The following TEKT5 variants were observed in gnomAD, a reference collection of about 807,000 sequenced individuals.
TEKT5 encodes tektin-5.
TEKT5 carries 52 observed loss-of-function variants against 48.7 expected under a neutral mutation model. The ratio of observed to expected loss-of-function variants is 1.07; its 90% CI spans 0.86 to 1.35. The LOEUF is 1.35. Among genes scored for constraint, TEKT5 ranks in the 40% most tolerant of loss-of-function variants. The probability of loss-of-function intolerance (pLI) is 0.00; values close to 1 mark genes in which losing one functional copy is unlikely to be tolerated. For synonymous variants in TEKT5, 318 were observed against 267.6 expected (o/e 1.19, Z -1.84); for missense variants, 831 against 641.6 (o/e 1.30, Z -3.19).
intron 5 of TEKT5, among the ~76,000 whole-genome samples, chr16:10,663,595 C>T (rs1414280662): frequency 2.6e-5 from 4 of 152,116 alleles, no homozygotes; most frequent in Admixed American, 6.6e-5. Context: ...CGGAGGGACC[C>T]GGTCAGGGAT....
chr16:10,694,888 C>A lies in TEKT5; in HGVS notation c.-15G>T, dbSNP rs1023299917. ...AGAAACTCCATCCTCCCTCATGAGC[C>A]CCACTCGGGCAAAACTCAGCTCAAG... On this transcript the variant is annotated 5_prime_UTR_variant, in exon 1 of 7. Coordinates refer to ENST00000283025, the MANE Select transcript of TEKT5 (RefSeq NM_144674.2). 6.5e-7 allele frequency: 1 copy of A among 1,526,880 alleles called. No individual in the cohort carries two copies. Among genetic ancestry groups the A allele is most frequent in the Non-Finnish European group, 8.7e-7 (1 of 1,144,104 alleles). 94.6% of individuals were successfully genotyped at this position (1,526,880 alleles called of 1,614,324 possible).
intron 4 of TEKT5, among the ~76,000 whole-genome samples, chr16:10,679,472 G>C (rs1052098072): frequency 1.3e-5 from 2 of 151,148 alleles, no homozygotes; most frequent in African/African-American, 2.4e-5. Context: ...AAAAAAAAAG[G>C]TGTCTACTGC....
At chr16:10,657,119 CT>C (rs57742183) in intron 5 of TEKT5, among the ~76,000 whole-genome samples, 8,242 of 135,310 alleles carry the variant, frequency 0.061, 618 homozygotes, top group African/African-American at 0.19. Context: ...TTAGGTCTGC[CT>C]TTTTTTTTTT....
intron 6 of TEKT5, among the ~76,000 whole-genome samples, chr16:10,632,227 T>C (rs1253407324): frequency 2.0e-5 from 3 of 152,224 alleles, no homozygotes; most frequent in Non-Finnish European, 2.9e-5. Flanking sequence ...ATGTGGATAC[T>C]GAGCCCTTGA....
intron 3 of TEKT5, among the ~76,000 whole-genome samples, chr16:10,683,630 G>A (rs947771113): frequency 1.8e-4 from 27 of 151,756 alleles, no homozygotes; most frequent in African/African-American, 5.1e-4. Flanking sequence ...TCCTTTTGTC[G>A]CTTAGGCTGG....
chr16:10,669,999 C>T (rs1304428004), intron 5 of TEKT5, among the ~76,000 whole-genome samples: 4 of 152,048 alleles, frequency 2.6e-5, no homozygotes, highest in Admixed American at 2.0e-4. Flanking sequence ...GGGGTGTGGC[C>T]GAGGTGACAG....
intron 5 of TEKT5, among the ~76,000 whole-genome samples, chr16:10,646,859 G>A (rs970607018): frequency 6.6e-6 from 1 of 152,172 alleles, no homozygotes; most frequent in Non-Finnish European, 1.5e-5. Flanking sequence ...TATCCCATAA[G>A]AATGTTCTGT....
At chr16:10,629,056 A>C (rs1193614717) in intron 6 of TEKT5, among the ~76,000 whole-genome samples, 1 of 152,190 alleles carries the variant, frequency 6.6e-6, no homozygotes, top group Non-Finnish European at 1.5e-5. Flanking sequence ...AGGCAAAGCC[A>C]TACGGACAGA....
intron 5 of TEKT5, among the ~76,000 whole-genome samples, chr16:10,659,028 T>C (rs1044009108): frequency 1.3e-5 from 2 of 152,178 alleles, no homozygotes; most frequent in Admixed American, 1.3e-4. Context: ...TGGGACCAGA[T>C]CATTCTGTGT....
chr16:10,633,679 A>G (rs577176600), intron 6 of TEKT5, among the ~76,000 whole-genome samples: 1 of 152,212 alleles, frequency 6.6e-6, no homozygotes, highest in African/African-American at 2.4e-5. Context: ...AGTAGCTGGG[A>G]CTACAGGTAC....
intron 1 of TEKT5, among the ~76,000 whole-genome samples, chr16:10,693,929 C>G (rs924510532): frequency 1.3e-5 from 2 of 152,180 alleles, no homozygotes; most frequent in Admixed American, 6.5e-5. Flanking sequence ...AAGATCGAGC[C>G]ACTGCACTCC....
chr16:10,667,328 T>C (rs1180829760), intron 5 of TEKT5, among the ~76,000 whole-genome samples: 1 of 152,186 alleles, frequency 6.6e-6, no homozygotes, highest in Admixed American at 6.6e-5. Flanking sequence ...CACAGTGAAC[T>C]GTAACCTAAC....
intron 5 of TEKT5, among the ~76,000 whole-genome samples, chr16:10,660,377 A>G (rs1426268210): frequency 2.0e-5 from 3 of 149,630 alleles, no homozygotes; most frequent in East Asian, 4.0e-4. Context: ...AACTCCCCCC[A>G]CCCCACCCCC....
chr16:10,640,687 T>C (rs1185268481), intron 5 of TEKT5, among the ~76,000 whole-genome samples: 1 of 152,012 alleles, frequency 6.6e-6, no homozygotes, highest in Non-Finnish European at 1.5e-5. Flanking sequence ...GGTGCATTAG[T>C]TTGCCTTTCT....
chr16:10,668,050 G>A (rs1391372738), intron 5 of TEKT5, among the ~76,000 whole-genome samples: 1 of 151,992 alleles, frequency 6.6e-6, no homozygotes, highest in African/African-American at 2.4e-5. Context: ...GCTAATTTTT[G>A]TATTTTTAGT....
chr16:10,652,134 A>G (rs556947847), intron 5 of TEKT5, among the ~76,000 whole-genome samples: 1 of 152,258 alleles, frequency 6.6e-6, no homozygotes, highest in South Asian at 2.1e-4. Flanking sequence ...AGGTTTAGTG[A>G]GACAATCCAG....
intron 5 of TEKT5, among the ~76,000 whole-genome samples, chr16:10,672,881 C>G (rs771282518): frequency 6.9e-6 from 1 of 145,446 alleles, no homozygotes; most frequent in African/African-American, 2.6e-5. Flanking sequence ...GAGACAAGAT[C>G]TTGCTCTGTT....
intron 4 of TEKT5, among the ~76,000 whole-genome samples, chr16:10,680,307 A>G (rs1334584991): frequency 6.6e-6 from 1 of 152,226 alleles, no homozygotes; most frequent in Non-Finnish European, 1.5e-5. Flanking sequence ...GCTTGGGCCA[A>G]GGAGAATGCC....
chr16:10,689,392 C>G, intron 2 of TEKT5, 69 bp from the exon 3 acceptor site: 1 of 1,371,026 alleles, frequency 7.3e-7, no homozygotes, highest in Non-Finnish European at 1.0e-6. Flanking sequence ...CAGGCCAGAG[C>G]CCTCAGCTCT....
Sources: allele counts gnomAD v4.1 joint callset (sites outside exome capture counted in the v4.1 genomes callset), GRCh38; gene constraint gnomAD v4.1.1; transcripts MANE v1.5; gene names NCBI Gene and HGNC (gene_info 2026-07-23, HGNC 2026-07-21).